PLEKHG3: variants seen among roughly 807,000 people sequenced by gnomAD.
PLEKHG3 encodes pleckstrin homology domain-containing family G member 3.
Under a neutral mutation model 94.9 loss-of-function variants are expected in PLEKHG3, and 62 were observed. The ratio of observed to expected loss-of-function variants is 0.65; its 90% CI spans 0.53 to 0.81. PLEKHG3 has a LOEUF of 0.81. Among genes scored for constraint, PLEKHG3 ranks in the 30% least tolerant of loss-of-function variants. The probability of loss-of-function intolerance (pLI) is 0.00; values close to 1 mark genes in which losing one functional copy is unlikely to be tolerated. For synonymous variants in PLEKHG3, 614 were observed against 654.0 expected (o/e 0.94, Z 0.93); for missense variants, 1,461 against 1,619.3 (o/e 0.90, Z 1.68).
At position 64,743,730 on chromosome 14, in the gene PLEKHG3, C is replaced by T. The variant is rs749430543; in HGVS notation, c.*27C>T. The stretch of plus-strand genomic sequence containing the variant: ...GCTGACTCCTGGGGGAGGGAGGAGT[C>T]ATGTTGGAGGTTGGGGAAGAACCTG... On this transcript the variant is annotated 3_prime_UTR_variant, in exon 17 of 17. Coordinates refer to ENST00000247226, the MANE Select transcript of PLEKHG3 (RefSeq NM_001308147.2). This position sits in a 1 kb window ranked among gnomAD's most constrained non-coding sequence, Gnocchi z 7.2. 6.6e-7 allele frequency: 1 copy of T among 1,513,368 alleles called. No individual in the cohort carries two copies. Among genetic ancestry groups the T allele is most frequent in the Non-Finnish European group, 8.8e-7 (1 of 1,135,566 alleles). 93.7% of individuals were successfully genotyped at this position (1,513,368 alleles called of 1,614,324 possible).
chr14:64,731,993 C>T lies in PLEKHG3; in HGVS notation c.1126-102C>T. The T allele has an allele frequency of 1.1e-6, 1 of 943,290 alleles. No homozygotes were observed. The highest frequency in any genetic ancestry group is 1.7e-6 in the Non-Finnish European group (1 of 580,362). 58.4% of individuals were successfully genotyped at this position (943,290 alleles called of 1,614,324 possible). ...CAGGTTAACCTCACAGAGGCCCCAG[C>T]ATGGCCCCACTTTTTCTCCCTGGGT... On this transcript the variant is annotated intron_variant, in intron 9 of 16. Transcript: ENST00000247226. The surrounding 1 kb of genome is among the most constrained non-coding windows in gnomAD (Gnocchi z 6.1).
At chr14:64,750,249 G>GTTTGTTCTGATACATAGTAACATGTTTT, downstream of PLEKHG3, 1 of 1,279,572 alleles carries the variant, frequency 7.8e-7, no homozygotes, top group East Asian at 2.4e-5. Context: ...ATTACACCAT[G>GTTTGTTCTGATACATAGTAACATGTTTT]TTTGTTCTGA....
At position 64,749,968 on chromosome 14, in the gene PLEKHG3, A is replaced by G; in HGVS notation, c.*6265A>G. Reference sequence around the variant, plus strand: ...CCATCAACCCGAGCTTTCAAAGGCCAGGAAGGCCTCACCTCAGCTTAAAGA... The same window carrying G: ...CCATCAACCCGAGCTTTCAAAGGCCGGGAAGGCCTCACCTCAGCTTAAAGA... On this transcript the variant is annotated 3_prime_UTR_variant, in exon 17 of 17. Transcript: ENST00000247226. This position sits in a 1 kb window ranked among gnomAD's most constrained non-coding sequence, Gnocchi z 4.7. The G allele has an allele frequency of 3.1e-6, 5 of 1,614,214 alleles. No homozygotes were observed. The East Asian group carries it at 8.9e-5, about 29-fold the overall frequency.
At position 64,745,196 on chromosome 14, in the gene PLEKHG3, T is replaced by C. The variant is rs2081812390; in HGVS notation, c.*1493T>C. On this transcript the variant is annotated 3_prime_UTR_variant, in exon 17 of 17. Coordinates refer to ENST00000247226, the MANE Select transcript of PLEKHG3 (RefSeq NM_001308147.2). The surrounding 1 kb of genome is among the most constrained non-coding windows in gnomAD (Gnocchi z 5.0). ...TCCCTTTTTATCACATTCTCAGAAGTATCTTTGATTCAGAAGAGTTAGGAA... is the reference window on the plus strand; with the variant it reads ...TCCCTTTTTATCACATTCTCAGAAGCATCTTTGATTCAGAAGAGTTAGGAA... The C allele has an allele frequency of 6.6e-6, 1 of 152,296 alleles. No homozygotes were observed. The highest frequency in any genetic ancestry group is 2.4e-5 in the African/African-American group (1 of 41,474). 9.4% of individuals were successfully genotyped at this position (152,296 alleles called of 1,614,324 possible).
rs2081393479 is a variant in PLEKHG3 at position 64,728,376 on chromosome 14, G to A, written c.351+394G>A. On this transcript the variant is annotated intron_variant, in intron 2 of 16. Coordinates refer to ENST00000247226, the MANE Select transcript of PLEKHG3 (RefSeq NM_001308147.2). This position sits in a 1 kb window ranked among gnomAD's most constrained non-coding sequence, Gnocchi z 5.9. ...AGAGGAAGCGACACCTACCTTGTAGGTGAAGGGCACGGAAGGGCAGCTGTG... is the reference window on the plus strand; with the variant it reads ...AGAGGAAGCGACACCTACCTTGTAGATGAAGGGCACGGAAGGGCAGCTGTG... Among the ~76,000 whole-genome samples, 1 of 152,242 alleles carries A rather than the reference G, an allele frequency of 6.6e-6. No individual in the cohort carries two copies. Among genetic ancestry groups the A allele is most frequent in the Admixed American group, 6.5e-5 (1 of 15,292 alleles).
At position 64,718,916 on chromosome 14, in the gene PLEKHG3, TCAGG is replaced by T. The variant is rs1459518868; in HGVS notation, c.-39-8675_-39-8672del. Among the ~76,000 whole-genome samples, 2 of 152,184 alleles carry T rather than the reference TCAGG, an allele frequency of 1.3e-5. No individual in the cohort carries two copies. Among genetic ancestry groups the T allele is most frequent in the Non-Finnish European group, 2.9e-5 (2 of 68,028 alleles). On this transcript the variant is annotated intron_variant, in intron 1 of 16. Coordinates refer to ENST00000247226, the MANE Select transcript of PLEKHG3 (RefSeq NM_001308147.2). The surrounding 1 kb of genome is among the most constrained non-coding windows in gnomAD (Gnocchi z 5.0). ...AAGTTGCCTTAACTTCTGCTCTTGC[TCAGG>T]CCTGCGGTGCCCCCTGGCCCTGTTT...
At position 64,742,360 on chromosome 14, in the gene PLEKHG3, C is replaced by T; in HGVS notation, c.2843C>T (p.Pro948Leu). 6.2e-7 allele frequency: 1 copy of T among 1,613,082 alleles called. No individual in the cohort carries two copies. Among genetic ancestry groups the T allele is most frequent in the Non-Finnish European group, 8.5e-7 (1 of 1,180,036 alleles). The change falls in exon 16 of 17, where the codon CCA (proline) becomes CTA (leucine). Residue 948 changes from proline (P) to leucine (L), a missense_variant. By Grantham distance (98) the Pro-to-Leu change is moderately conservative. Around this residue, in one of 3 missense-constraint regions of PLEKHG3, gnomAD observed 1,201 missense variants for 1,295.5 expected, o/e 0.93. Coordinates refer to ENST00000247226, the MANE Select transcript of PLEKHG3 (RefSeq NM_001308147.2). ...KSNKPVMARP[P>L]LQWEKVAPER... ...AACAAGCCAGTGATGGCCAGGCCACCACTGCAGTGGGAAAAGGTGGCCCCT... is the reference window on the plus strand; with the variant it reads ...AACAAGCCAGTGATGGCCAGGCCACTACTGCAGTGGGAAAAGGTGGCCCCT...
At position 64,722,512 on chromosome 14, in the gene PLEKHG3, G is replaced by C. The variant is rs904523466; in HGVS notation, c.-39-5081G>C. Among the ~76,000 whole-genome samples, 1 of 152,138 alleles carries C rather than the reference G, an allele frequency of 6.6e-6. No homozygotes were observed. The highest frequency in any genetic ancestry group is 1.5e-5 in the Non-Finnish European group (1 of 68,022). ...TGGGATTACAGGCGTGAGCCACTGC[G>C]CCTGGCCACGAGGACTTTCCCTGTG... On this transcript the variant is annotated intron_variant, in intron 1 of 16. Coordinates refer to ENST00000247226, the MANE Select transcript of PLEKHG3 (RefSeq NM_001308147.2). This position sits in a 1 kb window ranked among gnomAD's most constrained non-coding sequence, Gnocchi z 4.3.
intron 1 of PLEKHG3, among the ~76,000 whole-genome samples, chr14:64,707,763 A>G (rs1037498012): frequency 6.6e-6 from 1 of 152,244 alleles, no homozygotes; most frequent in Non-Finnish European, 1.5e-5. Flanking sequence ...GCATCGAGGA[A>G]CAGAGTTTGG....
Position 64,732,663 on chromosome 14 carries a change from C to T in PLEKHG3, c.1247-140C>T, listed in dbSNP as rs535187466. 4.0e-6 allele frequency: 3 copies of T among 752,140 alleles called. No homozygotes were observed. The East Asian group carries it at 8.0e-5, about 20-fold the overall frequency. 46.6% of individuals were successfully genotyped at this position (752,140 alleles called of 1,614,324 possible). On this transcript the variant is annotated intron_variant, in intron 11 of 16. Coordinates refer to ENST00000247226, the MANE Select transcript of PLEKHG3 (RefSeq NM_001308147.2). The surrounding 1 kb of genome is among the most constrained non-coding windows in gnomAD (Gnocchi z 4.9). ...GACTCTCAGTGCCTGAAGCTCCCAG[C>T]TGGAAGATGGAGGGAGCTCTGGAGG... is the stretch of plus-strand genomic sequence containing the variant.
chr14:64,738,984 C>A lies in PLEKHG3; in HGVS notation c.1518+129C>A. On this transcript the variant is annotated intron_variant, in intron 15 of 16. Coordinates refer to ENST00000247226, the MANE Select transcript of PLEKHG3 (RefSeq NM_001308147.2). This position sits in a 1 kb window ranked among gnomAD's most constrained non-coding sequence, Gnocchi z 4.8. ...ATGGGAACAGAGATTCCCCACCTCC[C>A]AGGACTCTCAGCCCTGCATGAAGCC... The A allele has an allele frequency of 1.5e-6, 1 of 662,524 alleles. No homozygotes were observed. Among genetic ancestry groups the A allele is most frequent in the Non-Finnish European group, 2.7e-6 (1 of 363,892 alleles). 41.0% of individuals were successfully genotyped at this position (662,524 alleles called of 1,614,324 possible).
In PLEKHG3 at chr14:64,743,716, G is replaced by A; in HGVS notation, c.*13G>A. ...CTCTGTCGGTTGATGCTGACTCCTGGGGGAGGGAGGAGTCATGTTGGAGGT... is the reference window on the plus strand; with the variant it reads ...CTCTGTCGGTTGATGCTGACTCCTGAGGGAGGGAGGAGTCATGTTGGAGGT... On this transcript the variant is annotated 3_prime_UTR_variant, in exon 17 of 17. Transcript: ENST00000247226. This position sits in a 1 kb window ranked among gnomAD's most constrained non-coding sequence, Gnocchi z 7.2. 2 of 1,522,598 alleles carry A rather than the reference G, an allele frequency of 1.3e-6. No individual in the cohort carries two copies. The highest frequency in any genetic ancestry group is 1.8e-6 in the Non-Finnish European group (2 of 1,139,184). 94.3% of individuals were successfully genotyped at this position (1,522,598 alleles called of 1,614,324 possible).
chr14:64,731,069 A>T lies in PLEKHG3; in HGVS notation c.749A>T (p.Asp250Val). ...EIAKHFDEEEDGFEVVEDAID... is the reference protein window; with the variant it reads ...EIAKHFDEEEVGFEVVEDAID... ...GCCAAGCATTTTGATGAAGAAGAGG[A>T]TGGCTTTGAGGTGGTGGAGGATGCC... The change falls in exon 7 of 17, where the codon GAT becomes GTT. Residue 250 changes from aspartate (D) to valine (V), a missense_variant. By Grantham distance (152) the Asp-to-Val change is radical. Around this residue, in one of 3 missense-constraint regions of PLEKHG3, gnomAD observed 1,201 missense variants for 1,295.5 expected, o/e 0.93. Transcript: ENST00000247226. This position sits in a 1 kb window ranked among gnomAD's most constrained non-coding sequence, Gnocchi z 6.1. The T allele has an allele frequency of 6.2e-7, 1 of 1,613,874 alleles. No homozygotes were observed. The highest frequency in any genetic ancestry group is 8.5e-7 in the Non-Finnish European group (1 of 1,179,856).
At position 64,721,673 on chromosome 14, in the gene PLEKHG3, G is replaced by A. The variant is rs1214648792; in HGVS notation, c.-39-5920G>A. On this transcript the variant is annotated intron_variant, in intron 1 of 16. Transcript: ENST00000247226. This position sits in a 1 kb window ranked among gnomAD's most constrained non-coding sequence, Gnocchi z 4.3. ...GTCACTCCCCGGGGAGCCTTCTCTC[G>A]CGCTTTATTACGGTGCTCAGGGCTG... 2.0e-5 allele frequency among the ~76,000 whole-genome samples: 3 copies of A among 152,128 alleles called. No homozygotes were observed. The highest frequency in any genetic ancestry group is 6.5e-5 in the Admixed American group (1 of 15,288).
rs1015988017 is a variant in PLEKHG3, at chr14:64,747,858, T to C, written c.*4155T>C. ...TCTCTTGGACCTAACCCTAGTTTGA[T>C]ACTGGGCCAGAACTGTGTTGCTTTC... On this transcript the variant is annotated 3_prime_UTR_variant, in exon 17 of 17. Transcript: ENST00000247226. The C allele has an allele frequency of 2.2e-5, 3 of 133,744 alleles. No individual in the cohort carries two copies. Among genetic ancestry groups the C allele is most frequent in the African/African-American group, 8.3e-5 (3 of 36,002 alleles). 8.3% of individuals were successfully genotyped at this position (133,744 alleles called of 1,614,324 possible).
At position 64,730,865 on chromosome 14, in the gene PLEKHG3, G is replaced by A. The variant is rs1434048977; in HGVS notation, c.633G>A (p.Gln211=). Residue 211 remains glutamine (Q), a synonymous_variant, in exon 6 of 17, where the codon CAG becomes CAA. Transcript: ENST00000247226. The surrounding 1 kb of genome is among the most constrained non-coding windows in gnomAD (Gnocchi z 5.4). Reference sequence around the variant, plus strand: ...AGGCCAAGTTCTTTCGGGACCGGCAGGAGCTGCTACAGCACTCGCTGCCCT... The same window carrying A: ...AGGCCAAGTTCTTTCGGGACCGGCAAGAGCTGCTACAGCACTCGCTGCCCT... The part of the protein sequence containing the change: ...KQQAKFFRDR[Q]ELLQHSLPLG... 1 of 1,613,314 alleles carries A rather than the reference G, an allele frequency of 6.2e-7. No homozygotes were observed. Among genetic ancestry groups the A allele is most frequent in the Admixed American group, 1.7e-5 (1 of 60,028 alleles).
intron 1 of PLEKHG3, among the ~76,000 whole-genome samples, chr14:64,708,301 C>G (rs1439104079): frequency 6.6e-6 from 1 of 152,144 alleles, no homozygotes; most frequent in South Asian, 2.1e-4. Flanking sequence ...ATGAATCACA[C>G]CTTCTCCCTG....
intron 12 of PLEKHG3, among the ~76,000 whole-genome samples, chr14:64,736,039 A>G (rs959845770): frequency 2.6e-5 from 4 of 152,272 alleles, no homozygotes; most frequent in African/African-American, 9.6e-5. Context: ...AGGAACAGCA[A>G]GATACCTTGG....
intron 1 of PLEKHG3, among the ~76,000 whole-genome samples, chr14:64,708,419 G>A (rs2081009178): frequency 6.6e-6 from 1 of 152,166 alleles, no homozygotes; most frequent in Non-Finnish European, 1.5e-5. Context: ...GGGACAAGGG[G>A]TAGGGAAAGT....
Sources: allele counts gnomAD v4.1 joint callset (sites outside exome capture counted in the v4.1 genomes callset), GRCh38; gene constraint gnomAD v4.1.1; regional missense constraint gnomAD v4.1.1; non-coding constraint Gnocchi (gnomAD v3.1); transcripts MANE v1.5; gene names NCBI Gene and HGNC (gene_info 2026-07-23, HGNC 2026-07-21).